Variants in ATP8B1 observed in about 807,000 individuals in gnomAD.
ATP8B1 encodes ATPase phospholipid transporting 8B1, also known as phospholipid-transporting ATPase IC.
Under a neutral mutation model 149.9 loss-of-function variants are expected in ATP8B1, and 80 were observed. The observed-to-expected ratio is 0.53, with a 90% CI of 0.45 to 0.64. ATP8B1 has a LOEUF of 0.64. ATP8B1 is among the 30% of genes least tolerant of loss of function. ATP8B1 has a pLI of 0.00. For missense variants in ATP8B1, 1,247 were observed against 1,552.6 expected (o/e 0.80, Z 3.31); for synonymous variants, 536 against 562.8 (o/e 0.95, Z 0.67).
intron 1 of ATP8B1, among the ~76,000 whole-genome samples, chr18:57,787,888 C>T (rs903059100): frequency 1.8e-4 from 27 of 152,056 alleles, no homozygotes; most frequent in African/African-American, 6.3e-4. Flanking sequence ...GTAGACATGA[C>T]AGTACTGGAT....
intron 1 of ATP8B1, among the ~76,000 whole-genome samples, chr18:57,789,669 T>C (rs571169267): frequency 8.3e-4 from 126 of 152,324 alleles, no homozygotes; most frequent in African/African-American, 2.9e-3. Context: ...TTTTGAGCCA[T>C]GTATGGTGGT....
intron 15 of ATP8B1, among the ~76,000 whole-genome samples, chr18:57,682,206 A>G (rs1335768416): frequency 6.6e-6 from 1 of 152,084 alleles, no homozygotes; most frequent in African/African-American, 2.4e-5. Flanking sequence ...GGGTTTCACC[A>G]TGTTGGCCAG....
At chr18:57,751,594 A>C (rs1264621295) in intron 1 of ATP8B1, among the ~76,000 whole-genome samples, 1 of 152,200 alleles carries the variant, frequency 6.6e-6, no homozygotes, top group Non-Finnish European at 1.5e-5. Context: ...AGGCTTCCAG[A>C]TTATCTTCAA....
intron 2 of ATP8B1, among the ~76,000 whole-genome samples, chr18:57,719,808 T>C (rs112681879): frequency 2.4e-4 from 36 of 151,554 alleles, no homozygotes; most frequent in Non-Finnish European, 3.6e-4. Context: ...GGGGGCAGGG[T>C]ACAGACAGCA....
intron 26 of ATP8B1, among the ~76,000 whole-genome samples, chr18:57,651,640 GT>G (rs201359186): frequency 2.8e-5 from 4 of 145,428 alleles, no homozygotes; most frequent in East Asian, 2.0e-4. Flanking sequence ...TGTTTTTTTT[GT>G]TTTTTTTTTG....
intron 1 of ATP8B1, among the ~76,000 whole-genome samples, chr18:57,757,489 G>C (rs1263386167): frequency 6.6e-6 from 1 of 151,908 alleles, no homozygotes; most frequent in Non-Finnish European, 1.5e-5. Flanking sequence ...GATGGATAGA[G>C]CTAAGTAAAA....
rs73443026 is a variant in ATP8B1, at chr18:57,706,361, A to G, written c.279+129T>C. On this transcript the variant is annotated intron_variant, in intron 3 of 27. Transcript: ENST00000648908. Reference sequence around the variant, plus strand: ...ATAAAAATGACATTCTATAGAAACAATGATGATTATCAGTAGCCCCAGGCA... The same window carrying G: ...ATAAAAATGACATTCTATAGAAACAGTGATGATTATCAGTAGCCCCAGGCA... The G allele has an allele frequency of 0.012, 9,127 of 741,140 alleles. 539 individuals carry two copies. The African/African-American group carries it at 0.13, about 11-fold the overall frequency. 45.9% of individuals were successfully genotyped at this position (741,140 alleles called of 1,614,324 possible). A position where few individuals can be genotyped will look rare whatever the true frequency, so the allele number is the denominator to read the frequency against.
chr18:57,734,674 C>T (rs1227989108), intron 1 of ATP8B1, among the ~76,000 whole-genome samples: 1 of 152,058 alleles, frequency 6.6e-6, no homozygotes, highest in African/African-American at 2.4e-5. Flanking sequence ...TCTAAAGAGC[C>T]CTATAGTCAT....
In ATP8B1 at chr18:57,662,562, G is replaced by A. The variant is rs2122654538; in HGVS notation, c.2339C>T (p.Ala780Val). ...TTCCTGCACAGGAGGTGCAAACTTT[G>A]CGTAGACGCCACCTCTATTCCTCTG... Reference protein sequence around the residue: ...ENQRNRGGVYAKFAPPVQESF... With the variant: ...ENQRNRGGVYVKFAPPVQESF... The change falls in exon 21 of 28, where the codon GCA becomes GTA. Residue 780 changes from alanine (A) to valine (V), a missense_variant. Physicochemically the swap from Ala to Val is moderately conservative, Grantham distance 64. Transcript: ENST00000648908. 1 of 1,614,130 alleles carries A rather than the reference G, an allele frequency of 6.2e-7. No homozygotes were observed. Among genetic ancestry groups the A allele is most frequent in the East Asian group, 2.2e-5 (1 of 44,886 alleles).
In ATP8B1 at chr18:57,648,516, G is replaced by A. The variant is rs764485724; in HGVS notation, c.3728C>T (p.Ala1243Val). 12 of 1,611,256 alleles carry A rather than the reference G, an allele frequency of 7.4e-6. No homozygotes were observed. The highest frequency in any genetic ancestry group is 1.3e-5 in the African/African-American group (1 of 74,878). Reference sequence around the variant, plus strand: ...GCTGTCCCCGGTGCGCCTGTACTCCGCGGTGCCATCCGCCACGATGGCATC... The same window carrying A: ...GCTGTCCCCGGTGCGCCTGTACTCCACGGTGCCATCCGCCACGATGGCATC... Reference protein sequence around the residue: ...PLDAIVADGTAEYRRTGDS With the variant: ...PLDAIVADGTVEYRRTGDS The change falls in exon 28 of 28, where the codon GCG becomes GTG. Residue 1243 changes from alanine (A) to valine (V), a missense_variant. Around this residue, in one of 3 missense-constraint regions of ATP8B1, gnomAD observed 164 missense variants for 160.3 expected, o/e 1.02. Coordinates refer to ENST00000648908, the MANE Select transcript of ATP8B1 (RefSeq NM_001374385.1).
intron 1 of ATP8B1, among the ~76,000 whole-genome samples, chr18:57,782,539 ACT>A (rs1599233815): frequency 6.6e-6 from 1 of 152,158 alleles, no homozygotes; most frequent in African/African-American, 2.4e-5. Flanking sequence ...GGCTAATAAG[ACT>A]CTGGCAAGGA....
chr18:57,712,733 C>T (rs751451782), intron 2 of ATP8B1, among the ~76,000 whole-genome samples: 38 of 151,850 alleles, frequency 2.5e-4, no homozygotes, highest in Middle Eastern at 6.8e-3. Context: ...CAAAAGAGAC[C>T]TCTTCCTTCT....
At chr18:57,724,128 A>T (rs1376559361) in intron 2 of ATP8B1, among the ~76,000 whole-genome samples, 1 of 151,196 alleles carries the variant, frequency 6.6e-6, no homozygotes, top group African/African-American at 2.4e-5. Context: ...TAAACGTTAG[A>T]CCTAAAACCA....
At chr18:57,719,200 A>G (rs1444262388) in intron 2 of ATP8B1, among the ~76,000 whole-genome samples, 1 of 152,250 alleles carries the variant, frequency 6.6e-6, no homozygotes, top group East Asian at 1.9e-4. Context: ...GCCTTTCTGT[A>G]TGCCAACAGC....
At chr18:57,727,883 C>T (rs563174996) in intron 2 of ATP8B1, among the ~76,000 whole-genome samples, 88 of 152,274 alleles carry the variant, frequency 5.8e-4, no homozygotes, top group Middle Eastern at 3.4e-3. Flanking sequence ...CATCAGGAAA[C>T]GACAGAGCTC....
At chr18:57,696,711 T>C (rs549597969) in intron 8 of ATP8B1, among the ~76,000 whole-genome samples, 1 of 152,320 alleles carries the variant, frequency 6.6e-6, no homozygotes, top group African/African-American at 2.4e-5. Flanking sequence ...GTCCCGACTC[T>C]ACCACTTACT....
chr18:57,761,095 T>TA (rs549333901), intron 1 of ATP8B1, among the ~76,000 whole-genome samples: 1 of 96,272 alleles, frequency 1.0e-5, no homozygotes, highest in Non-Finnish European at 2.1e-5. Flanking sequence ...TAAAATAAAA[T>TA]AAAAAATAAA....
chr18:57,694,374 C>A lies in ATP8B1; in HGVS notation c.1029+208G>T, dbSNP rs546670603. On this transcript the variant is annotated intron_variant, in intron 11 of 27. Transcript: ENST00000648908. ...CGAAATTTCCCTTCCCAAGGGAATT[C>A]TCCTGTTAAAAGTGTGGCATTTCTG... Among the ~76,000 whole-genome samples, 16 of 152,134 alleles carry A rather than the reference C, an allele frequency of 1.1e-4. No individual in the cohort carries two copies. The East Asian group carries it at 1.9e-3, about 18-fold the overall frequency.
intron 2 of ATP8B1, among the ~76,000 whole-genome samples, chr18:57,717,118 A>C (rs2079589942): frequency 6.6e-6 from 1 of 152,228 alleles, no homozygotes; most frequent in Admixed American, 6.5e-5. Context: ...AAATTTCTTC[A>C]AACAAATGAT....
Sources: gnomAD v4.1 joint callset for allele counts (sites outside exome capture counted in the v4.1 genomes callset) on GRCh38, gnomAD v4.1.1 for gene constraint, gnomAD v4.1.1 regional missense constraint, MANE v1.5 for transcripts, NCBI Gene and HGNC (gene_info 2026-07-23, HGNC 2026-07-21) for gene names.